Variants in LARGE1 observed in about 807,000 individuals in gnomAD.
LARGE1 encodes xylosyl- and glucuronyltransferase LARGE1.
Under a neutral mutation model 87.6 loss-of-function variants are expected in LARGE1, and 43 were observed. That is an observed-to-expected ratio of 0.49 (90% CI 0.38 to 0.63). The LOEUF (loss-of-function observed/expected upper bound fraction) is 0.63, where lower values mean the gene tolerates loss of function less well. Ranked by LOEUF, LARGE1 falls within the 30% of genes least tolerant of loss-of-function variation. The pLI is 0.00. For synonymous variants in LARGE1, 434 were observed against 394.6 expected, an observed-to-expected ratio of 1.10 and a Z score of -1.18; for missense variants, 802 against 1,000.2, an observed-to-expected ratio of 0.80 and a Z score of 2.67.
At chr22:33,817,631 A>G (rs1047132024) in intron 1 of LARGE1, among the ~76,000 whole-genome samples, 2 of 152,098 alleles carry the variant, frequency 1.3e-5, no homozygotes, top group Non-Finnish European at 2.9e-5. Flanking sequence ...TAGAGCACAG[A>G]GCTGCTCGAA....
chr22:33,436,038 C>T (rs926896857), intron 6 of LARGE1, among the ~76,000 whole-genome samples: 1 of 152,166 alleles, frequency 6.6e-6, no homozygotes, highest in African/African-American at 2.4e-5. Context: ...TCAGGCTGTG[C>T]CTTCCCAGCT....
At chr22:33,627,687 T>C (rs2149082521) in intron 3 of LARGE1, among the ~76,000 whole-genome samples, 1 of 152,190 alleles carries the variant, frequency 6.6e-6, no homozygotes, top group African/African-American at 2.4e-5. Flanking sequence ...CTGTCTTATA[T>C]CAGCACGGGA....
intron 7 of LARGE1, among the ~76,000 whole-genome samples, chr22:33,428,318 CTTTT>C (rs34881147): frequency 4.5e-5 from 6 of 132,936 alleles, no homozygotes; most frequent in Non-Finnish European, 3.3e-5. Context: ...TTTGTTATGT[CTTTT>C]TTTTTTTTTT....
the LARGE1 span, among the ~76,000 whole-genome samples, chr22:33,107,429 C>T: frequency 2.0e-5 from 3 of 152,242 alleles, no homozygotes; most frequent in African/African-American, 7.2e-5. Flanking sequence ...GTGGCATGCA[C>T]CTGTAATCCC....
rs982770696 is a variant in LARGE1 at position 33,337,727 on chromosome 22, C to T, written c.1206G>A (p.Leu402=). 1.9e-6 allele frequency: 3 copies of T among 1,613,998 alleles called. No individual in the cohort carries two copies. In the African/African-American group the frequency reaches 4.0e-5, roughly 22 times the overall value. ...GATTGCCGTCATACTCCAGGAAGGTCAGGTAGAGGTTGCGAAAAAACTCCA... is the reference window on the plus strand; with the variant it reads ...GATTGCCGTCATACTCCAGGAAGGTTAGGTAGAGGTTGCGAAAAAACTCCA... ...KHVEFFRNLY[L]TFLEYDGNLL... is the part of the protein sequence containing the mutation. The change falls in exon 10 of 15, where the codon CTG becomes CTA. Residue 402 remains leucine (L), a synonymous_variant. Transcript: ENST00000397394.
At chr22:33,590,526 C>T (rs986295612) in intron 5 of LARGE1, among the ~76,000 whole-genome samples, 5 of 152,184 alleles carry the variant, frequency 3.3e-5, no homozygotes, top group Admixed American at 6.5e-5. Context: ...ACAATTTGAT[C>T]GCCCTCGAAA....
intron 9 of LARGE1, among the ~76,000 whole-genome samples, chr22:33,358,837 A>C (rs970710042): frequency 1.3e-5 from 2 of 151,806 alleles, no homozygotes; most frequent in African/African-American, 4.8e-5. Flanking sequence ...ATACAACAAC[A>C]ACAACAAAAA....
intron 11 of LARGE1, among the ~76,000 whole-genome samples, chr22:33,237,714 TTCC>T (rs1054847809): frequency 1.2e-4 from 18 of 152,290 alleles, no homozygotes; most frequent in African/African-American, 4.1e-4. Context: ...CAGAAAGCAA[TTCC>T]ACTCTTCAGG....
intron 7 of LARGE1, among the ~76,000 whole-genome samples, chr22:33,411,600 A>C (rs2066306235): frequency 1.3e-5 from 2 of 152,248 alleles, no homozygotes; most frequent in African/African-American, 2.4e-5. Context: ...ATAACATTTA[A>C]TATAGCAGTA....
At chr22:33,421,869 C>T (rs2066708240) in intron 7 of LARGE1, among the ~76,000 whole-genome samples, 1 of 152,202 alleles carries the variant, frequency 6.6e-6, no homozygotes, top group African/African-American at 2.4e-5. Context: ...TAGGTTTATT[C>T]TCTGTGAATC....
At chr22:33,799,484 A>G (rs1034072045) in intron 1 of LARGE1, among the ~76,000 whole-genome samples, 12 of 152,090 alleles carry the variant, frequency 7.9e-5, no homozygotes, top group Non-Finnish European at 7.4e-5. Flanking sequence ...CTTGTTGCAC[A>G]GGCTGGAGGG....
chr22:33,343,919 A>C (rs1405607263), intron 9 of LARGE1, among the ~76,000 whole-genome samples: 1 of 152,214 alleles, frequency 6.6e-6, no homozygotes, highest in East Asian at 1.9e-4. Flanking sequence ...GCTGTCTGCA[A>C]GCTGAGGAGC....
chr22:33,171,504 G>C (rs1171165216), intron 11 of LARGE1, among the ~76,000 whole-genome samples: 3 of 152,202 alleles, frequency 2.0e-5, no homozygotes, highest in African/African-American at 7.2e-5. Flanking sequence ...TGGTTTTGTG[G>C]GCTGCACCCA....
intron 1 of LARGE1, among the ~76,000 whole-genome samples, chr22:33,889,392 G>T (rs575773310): frequency 7.9e-5 from 12 of 152,342 alleles, no homozygotes; most frequent in African/African-American, 2.4e-4. Context: ...TGAGAGAAAA[G>T]AAAGTGTATT....
At chr22:33,337,886 T>G in intron 9 of LARGE1, 85 bp from the exon 10 acceptor site, 1 of 1,402,604 alleles carries the variant, frequency 7.1e-7, no homozygotes, top group Admixed American at 1.7e-5. Flanking sequence ...GGCTCAGCAC[T>G]GGGCTAAGCA....
At chr22:33,806,441 G>T (rs1000724293) in intron 1 of LARGE1, among the ~76,000 whole-genome samples, 4 of 152,170 alleles carry the variant, frequency 2.6e-5, no homozygotes, top group African/African-American at 4.8e-5. Context: ...GTGTTTACAG[G>T]ATCTTCTGCA....
the LARGE1 span, among the ~76,000 whole-genome samples, chr22:33,154,004 C>T: frequency 6.6e-6 from 1 of 152,140 alleles, no homozygotes; most frequent in Non-Finnish European, 1.5e-5. Context: ...GGGTTCACTT[C>T]TTATCCTCTT....
In LARGE1 at chr22:33,211,153, G is replaced by A. The variant is rs549841777; in HGVS notation, c.1731-44321C>T. The stretch of plus-strand genomic sequence containing the variant: ...GCGATTTGTGATTTGTAATTGTTTC[G>A]GGGCTCCATGAACCATGTAAGACAG... On this transcript the variant is annotated intron_variant, in intron 11 of 11. Transcript: ENST00000608642. 1.2e-4 allele frequency among the ~76,000 whole-genome samples: 18 copies of A among 151,948 alleles called. No homozygotes were observed. The South Asian group carries it at 3.1e-3, about 26-fold the overall frequency.
At chr22:33,696,863 T>A (rs2082268657) in intron 2 of LARGE1, among the ~76,000 whole-genome samples, 1 of 152,152 alleles carries the variant, frequency 6.6e-6, no homozygotes, top group African/African-American at 2.4e-5. Context: ...ATGCATAATT[T>A]ATCAAAGTCA....
Sources: gnomAD v4.1 joint callset for allele counts (sites outside exome capture counted in the v4.1 genomes callset) on GRCh38, gnomAD v4.1.1 for gene constraint, MANE v1.5 for transcripts, NCBI Gene and HGNC (gene_info 2026-07-23, HGNC 2026-07-21) for gene names.